IL1RAPL2: variants seen among roughly 807,000 people sequenced by gnomAD.
IL1RAPL2 encodes the protein interleukin 1 receptor accessory protein like 2.
A neutral mutation model predicts 44.1 loss-of-function variants in IL1RAPL2; 3 were observed. The observed-to-expected ratio is 0.07, with a 90% confidence interval of 0.03 to 0.18. The LOEUF (loss-of-function observed/expected upper bound fraction) is 0.18. IL1RAPL2 is among the 10% of genes least tolerant of loss of function. IL1RAPL2 has a pLI of 1.00. For synonymous variants in IL1RAPL2, 181 were observed against 178.8 expected, an observed-to-expected ratio of 1.01 and a Z score of -0.10; for missense variants, 391 against 496.4, an observed-to-expected ratio of 0.79 and a Z score of 2.02.
At chrX:105,352,798 T>C (rs1308249812) in intron 5 of IL1RAPL2, among the ~76,000 whole-genome samples, 1 of 110,284 alleles carries the variant, frequency 9.1e-6, no homozygotes, top group Non-Finnish European at 1.9e-5. Context: ...TTCTTGTAAA[T>C]TTGTTTGAGT....
At chrX:105,406,399 T>TGG in intron 5 of IL1RAPL2, 1 of 1,074,763 alleles carries the variant, frequency 9.3e-7, no homozygotes, top group Non-Finnish European at 1.3e-6. Flanking sequence ...AAGCAAGATT[T>TGG]TTTGGTATTG....
intron 2 of IL1RAPL2, among the ~76,000 whole-genome samples, chrX:104,923,739 A>G (rs1333555765): frequency 9.0e-6 from 1 of 111,580 alleles, no homozygotes; most frequent in Non-Finnish European, 1.9e-5. Context: ...TAAAGCAGTT[A>G]CACAGTTGAG....
chrX:105,309,941 G>A (rs1053655707), intron 5 of IL1RAPL2, among the ~76,000 whole-genome samples: 8 of 111,043 alleles, frequency 7.2e-5, no homozygotes, highest in African/African-American at 2.6e-4. Context: ...CATATGATTT[G>A]TAGTTTTCTG....
intron 1 of IL1RAPL2, among the ~76,000 whole-genome samples, chrX:104,587,889 A>C (rs769050747): frequency 2.7e-5 from 3 of 112,152 alleles, no homozygotes; most frequent in East Asian, 2.8e-4. Context: ...AACTGTAGGA[A>C]GAAGGGAGCA....
At chrX:105,071,362 A>T (rs1409566942) in intron 2 of IL1RAPL2, among the ~76,000 whole-genome samples, 2 of 111,958 alleles carry the variant, frequency 1.8e-5, no homozygotes, top group Non-Finnish European at 3.8e-5. Context: ...AAATTGAAAT[A>T]AAAAAATGAA....
intron 2 of IL1RAPL2, among the ~76,000 whole-genome samples, chrX:104,910,873 A>T (rs1208325422): frequency 8.9e-6 from 1 of 111,737 alleles, no homozygotes; most frequent in African/African-American, 3.3e-5. Flanking sequence ...GCAGCCTTCT[A>T]CTTCTAAGAC....
At chrX:104,721,575 C>A (rs754237696) in intron 2 of IL1RAPL2, among the ~76,000 whole-genome samples, 3 of 110,099 alleles carry the variant, frequency 2.7e-5, no homozygotes, top group Non-Finnish European at 3.8e-5. Flanking sequence ...CCAAGGGATG[C>A]GGGGTTTAAT....
chrX:105,270,767 C>T (rs1293948383), intron 5 of IL1RAPL2, among the ~76,000 whole-genome samples: 1 of 111,510 alleles, frequency 9.0e-6, no homozygotes, highest in East Asian at 2.8e-4. Context: ...ATTGTCTTCT[C>T]ATAATTCAAA....
At chrX:105,624,046 G>T (rs1328234893) in intron 6 of IL1RAPL2, among the ~76,000 whole-genome samples, 2 of 111,350 alleles carry the variant, frequency 1.8e-5, no homozygotes, top group East Asian at 5.7e-4. Context: ...GTTAGCCAAG[G>T]AAAATGTTGG....
At chrX:105,515,053 G>A (rs2036502273) in intron 6 of IL1RAPL2, among the ~76,000 whole-genome samples, 1 of 111,840 alleles carries the variant, frequency 8.9e-6, no homozygotes, top group Non-Finnish European at 1.9e-5. Context: ...TGATAATAAT[G>A]CTACTCCTAG....
intron 2 of IL1RAPL2, among the ~76,000 whole-genome samples, chrX:104,909,919 A>G (rs2147682195): frequency 8.9e-6 from 1 of 112,281 alleles, no homozygotes; most frequent in African/African-American, 3.2e-5. Context: ...TACCTAAGCA[A>G]GCCTGGGTAA....
intron 2 of IL1RAPL2, among the ~76,000 whole-genome samples, chrX:105,170,453 A>T (rs1184042839): frequency 8.9e-6 from 1 of 111,791 alleles, no homozygotes; most frequent in Non-Finnish European, 1.9e-5. Context: ...TATTACTAAT[A>T]TTGACAATAA....
chrX:105,552,830 C>A (rs1399182026), intron 6 of IL1RAPL2, among the ~76,000 whole-genome samples: 1 of 111,422 alleles, frequency 9.0e-6, no homozygotes, highest in Non-Finnish European at 1.9e-5. Flanking sequence ...TGCACTTGTT[C>A]AATAACAAAA....
intron 2 of IL1RAPL2, among the ~76,000 whole-genome samples, chrX:105,079,259 G>T (rs888836582): frequency 9.0e-6 from 1 of 111,167 alleles, no homozygotes; most frequent in Admixed American, 9.5e-5. Context: ...AAGACAGTGT[G>T]GAGATTCCTC....
intron 6 of IL1RAPL2, among the ~76,000 whole-genome samples, chrX:105,644,295 A>G (rs2037589827): frequency 9.0e-6 from 1 of 111,414 alleles, no homozygotes; most frequent in African/African-American, 3.3e-5. Context: ...TAGCAAGGGG[A>G]AAAAGGTCAT....
intron 5 of IL1RAPL2, among the ~76,000 whole-genome samples, chrX:105,338,628 G>C (rs1306329831): frequency 1.8e-5 from 2 of 111,800 alleles, no homozygotes; most frequent in Non-Finnish European, 3.8e-5. Context: ...AGGCCAAGGG[G>C]AGTTAAATTG....
chrX:105,486,158 T>C (rs2036264785), intron 6 of IL1RAPL2, among the ~76,000 whole-genome samples: 1 of 111,882 alleles, frequency 8.9e-6, no homozygotes, highest in Admixed American at 9.5e-5. Context: ...CCATTTTAAC[T>C]AGGGTGAGAT....
chrX:105,416,383 C>G (rs908357474), intron 5 of IL1RAPL2, among the ~76,000 whole-genome samples: 1 of 111,803 alleles, frequency 8.9e-6, no homozygotes, highest in Admixed American at 9.5e-5. Flanking sequence ...GTCTAATCAT[C>G]GCATCTCCAA....
At chrX:105,750,876 A>G (rs771284502) in intron 9 of IL1RAPL2, among the ~76,000 whole-genome samples, 1 of 110,815 alleles carries the variant, frequency 9.0e-6, no homozygotes, top group East Asian at 2.9e-4. Context: ...AAAAAAAACT[A>G]GAGAGAATGT....
Sources: gnomAD v4.1 joint callset for allele counts (sites outside exome capture counted in the v4.1 genomes callset) on GRCh38, gnomAD v4.1.1 for gene constraint, MANE v1.5 for transcripts, NCBI Gene and HGNC (gene_info 2026-07-23, HGNC 2026-07-21) for gene names.